CNTNAP5: variants seen among roughly 807,000 people sequenced by gnomAD.
The protein encoded by CNTNAP5 is contactin associated protein family member 5, also known as contactin-associated protein-like 5.
CNTNAP5 carries 72 observed loss-of-function variants against 150.2 expected under a neutral mutation model. That is an observed-to-expected ratio of 0.48 (90% CI 0.40 to 0.58). The LOEUF (loss-of-function observed/expected upper bound fraction) is 0.58. Ranked by LOEUF, CNTNAP5 falls within the 20% of genes least tolerant of loss-of-function variation. The probability of loss-of-function intolerance (pLI) is 0.00; values close to 1 mark genes in which losing one functional copy is unlikely to be tolerated. For missense variants in CNTNAP5, 1,636 were observed against 1,626.2 expected (o/e 1.01, Z -0.10); for synonymous variants, 672 against 619.8 (o/e 1.08, Z -1.25).
At chr2:124,905,395 A>C (rs1334163217) in intron 22 of CNTNAP5, among the ~76,000 whole-genome samples, 1 of 151,824 alleles carries the variant, frequency 6.6e-6, no homozygotes, top group African/African-American at 2.4e-5. Flanking sequence ...AAATATTAAA[A>C]CTCGAATCCT....
At chr2:124,508,839 T>C (rs554381640) in intron 8 of CNTNAP5, among the ~76,000 whole-genome samples, 27 of 152,342 alleles carry the variant, frequency 1.8e-4, no homozygotes, top group Non-Finnish European at 3.2e-4. Context: ...GAGGAAGAAC[T>C]AACAAATAAT....
At chr2:124,815,791 A>T (rs1682349153) in intron 19 of CNTNAP5, among the ~76,000 whole-genome samples, 1 of 152,024 alleles carries the variant, frequency 6.6e-6, no homozygotes, top group Non-Finnish European at 1.5e-5. Flanking sequence ...CCCAAGTCAC[A>T]CCATTTGTAC....
At chr2:124,264,389 T>TACAC (rs200429155) in intron 3 of CNTNAP5, among the ~76,000 whole-genome samples, 1,984 of 126,558 alleles carry the variant, frequency 0.016, 50 homozygotes, top group African/African-American at 0.052. Flanking sequence ...CACACACACA[T>TACAC]ACACACACAC....
At chr2:124,714,514 G>A (rs551977081) in intron 13 of CNTNAP5, among the ~76,000 whole-genome samples, 15 of 152,030 alleles carry the variant, frequency 9.9e-5, no homozygotes, top group African/African-American at 3.1e-4. Flanking sequence ...TACTTCAAAG[G>A]CAAAGGCATT....
intron 2 of CNTNAP5, among the ~76,000 whole-genome samples, chr2:124,227,080 A>C (rs767957499): frequency 6.6e-6 from 1 of 152,176 alleles, no homozygotes; most frequent in Non-Finnish European, 1.5e-5. Flanking sequence ...TCACAGGACA[A>C]ACGTTCAAGT....
At chr2:124,061,587 C>CA (rs763985225) in intron 1 of CNTNAP5, among the ~76,000 whole-genome samples, 18 of 150,886 alleles carry the variant, frequency 1.2e-4, no homozygotes, top group Non-Finnish European at 2.1e-4. Flanking sequence ...GCTGATAATA[C>CA]AAAAAAAAGT....
intron 21 of CNTNAP5, among the ~76,000 whole-genome samples, chr2:124,872,259 T>A (rs1190404992): frequency 6.6e-6 from 1 of 152,088 alleles, no homozygotes; most frequent in Non-Finnish European, 1.5e-5. Flanking sequence ...AGGCATTTCA[T>A]TAATAGTTAT....
intron 19 of CNTNAP5, among the ~76,000 whole-genome samples, chr2:124,827,965 AG>A (rs1447422255): frequency 4.6e-5 from 7 of 152,264 alleles, no homozygotes; most frequent in African/African-American, 1.7e-4. Flanking sequence ...AAACTGGTAG[AG>A]TAAATTGTTT....
intron 21 of CNTNAP5, among the ~76,000 whole-genome samples, chr2:124,890,297 C>T (rs1022401031): frequency 6.6e-6 from 1 of 152,070 alleles, no homozygotes; most frequent in African/African-American, 2.4e-5. Context: ...CCAGGTTTTG[C>T]TTCCTCCTGG....
intron 1 of CNTNAP5, among the ~76,000 whole-genome samples, chr2:124,220,814 G>A (rs993584827): frequency 2.6e-5 from 4 of 151,960 alleles, no homozygotes; most frequent in South Asian, 2.1e-4. Context: ...TCTCTGAAAG[G>A]CCCCAACACT....
intron 1 of CNTNAP5, among the ~76,000 whole-genome samples, chr2:124,039,132 G>T (rs1681300028): frequency 6.6e-6 from 1 of 152,308 alleles, no homozygotes. Context: ...ATGGTAGCTT[G>T]TCAAATACTT....
At chr2:124,847,456 A>C (rs1434375809) in intron 19 of CNTNAP5, among the ~76,000 whole-genome samples, 1 of 152,308 alleles carries the variant, frequency 6.6e-6, no homozygotes, top group African/African-American at 2.4e-5. Flanking sequence ...AGGCTGGTCT[A>C]ACTTTCATTG....
chr2:124,338,784 T>G (rs1689537384), intron 3 of CNTNAP5, among the ~76,000 whole-genome samples: 1 of 152,118 alleles, frequency 6.6e-6, no homozygotes, highest in Non-Finnish European at 1.5e-5. Context: ...GACCTTCCTG[T>G]TCCCTTTATT....
chr2:124,722,310 G>A (rs1680066040), intron 13 of CNTNAP5, among the ~76,000 whole-genome samples: 1 of 152,054 alleles, frequency 6.6e-6, no homozygotes, highest in Non-Finnish European at 1.5e-5. Flanking sequence ...TTTAAACTAA[G>A]TGTGAGATCC....
At chr2:124,648,854 C>T (rs911304603) in intron 13 of CNTNAP5, among the ~76,000 whole-genome samples, 1 of 152,136 alleles carries the variant, frequency 6.6e-6, no homozygotes, top group Non-Finnish European at 1.5e-5. Flanking sequence ...AATCTCTAGC[C>T]TCAAGAAACT....
intron 12 of CNTNAP5, among the ~76,000 whole-genome samples, chr2:124,612,038 A>G (rs1348192665): frequency 6.6e-6 from 1 of 152,252 alleles, no homozygotes; most frequent in Non-Finnish European, 1.5e-5. Flanking sequence ...CTTCTGGTTC[A>G]GTAATAATTC....
At chr2:124,572,596 G>A (rs1696190632) in intron 11 of CNTNAP5, among the ~76,000 whole-genome samples, 1 of 152,166 alleles carries the variant, frequency 6.6e-6, no homozygotes, top group Admixed American at 6.5e-5. Context: ...CCAAAAATAA[G>A]GATGAGCACA....
intron 3 of CNTNAP5, among the ~76,000 whole-genome samples, chr2:124,256,085 T>A (rs1687306841): frequency 6.6e-6 from 1 of 152,184 alleles, no homozygotes; most frequent in Non-Finnish European, 1.5e-5. Context: ...ATAGATATAT[T>A]GGCTGATGTA....
chr2:124,752,482 G>A (rs114164227), intron 14 of CNTNAP5, among the ~76,000 whole-genome samples: 1,634 of 152,116 alleles, frequency 0.011, 25 homozygotes, highest in African/African-American at 0.037. Flanking sequence ...TGAGGTGGGT[G>A]GGGAGAGAAA....
Sources: allele counts gnomAD v4.1 joint callset (sites outside exome capture counted in the v4.1 genomes callset), GRCh38; gene constraint gnomAD v4.1.1; transcripts MANE v1.5; gene names NCBI Gene and HGNC (gene_info 2026-07-23, HGNC 2026-07-21).